The following TCF3 variants were observed in gnomAD, a reference collection of about 807,000 sequenced individuals.
TCF3 encodes transcription factor E2-alpha.
Under a neutral mutation model 72.3 loss-of-function variants are expected in TCF3, and 54 were observed. The ratio of observed to expected loss-of-function variants is 0.75; its 90% CI spans 0.60 to 0.94. The LOEUF is 0.94. Ranked by LOEUF, TCF3 falls within the 40% of genes least tolerant of loss-of-function variation. The pLI, the probability that TCF3 is intolerant of heterozygous loss-of-function variation, is 0.00. For missense variants in TCF3, 1,078 were observed against 934.4 expected, an observed-to-expected ratio of 1.15 and a Z score of -2.00; for synonymous variants, 525 against 412.6, an observed-to-expected ratio of 1.27 and a Z score of -3.30.
At chr19:1,612,849 G>A (rs888758076) in intron 18 of TCF3, among the ~76,000 whole-genome samples, 1 of 149,440 alleles carries the variant, frequency 6.7e-6, no homozygotes, top group Non-Finnish European at 1.5e-5. Context: ...GCAGGTACAC[G>A]GCTGGTGTCG....
intron 1 of TCF3, among the ~76,000 whole-genome samples, chr19:1,651,616 C>T (rs2067077735): frequency 6.6e-6 from 1 of 152,188 alleles, no homozygotes. Flanking sequence ...TTTGAAGCCA[C>T]TTTGCACGGC....
At chr19:1,633,082 T>C (rs1454293777) in intron 3 of TCF3, among the ~76,000 whole-genome samples, 5 of 151,112 alleles carry the variant, frequency 3.3e-5, no homozygotes, top group Admixed American at 1.3e-4. Flanking sequence ...GACGAGGACC[T>C]TGGTCCCGGG....
chr19:1,643,101 C>T (rs1204120799), intron 3 of TCF3, among the ~76,000 whole-genome samples: 1 of 152,120 alleles, frequency 6.6e-6, no homozygotes, highest in Non-Finnish European at 1.5e-5. Flanking sequence ...CTGAGGGTTT[C>T]CAAAAATGGG....
At chr19:1,643,628 G>C (rs2065651666) in intron 3 of TCF3, among the ~76,000 whole-genome samples, 1 of 152,164 alleles carries the variant, frequency 6.6e-6, no homozygotes, top group Non-Finnish European at 1.5e-5. Context: ...CGATCCTCCT[G>C]CCTTGGCCTC....
chr19:1,622,452 C>A (rs1374348067), intron 8 of TCF3, 37 bp from the exon 9 acceptor site: 3 of 953,248 alleles, frequency 3.1e-6, no homozygotes, highest in Middle Eastern at 6.5e-4. Flanking sequence ...GCAGTCAGGA[C>A]GGAGGGACCA....
chr19:1,646,205 T>A, intron 3 of TCF3, 150 bp downstream of exon 3: 1 of 856,136 alleles, frequency 1.2e-6, no homozygotes, highest in South Asian at 1.8e-5. Context: ...TTCAGGGGTC[T>A]TCAGGCTCGC....
chr19:1,617,716 G>A (rs754433831), intron 16 of TCF3, among the ~76,000 whole-genome samples: 11 of 152,236 alleles, frequency 7.2e-5, no homozygotes, highest in Non-Finnish European at 1.0e-4. Flanking sequence ...GAAACAGAGG[G>A]GAGCCTATGG....
At chr19:1,647,083 C>A (rs950981278) in intron 2 of TCF3, among the ~76,000 whole-genome samples, 3 of 152,184 alleles carry the variant, frequency 2.0e-5, no homozygotes, top group African/African-American at 7.2e-5. Flanking sequence ...CGGCAGGAAG[C>A]TGGAGGGGCT....
At chr19:1,629,765 A>C (rs1434711857) in intron 5 of TCF3, among the ~76,000 whole-genome samples, 1 of 152,218 alleles carries the variant, frequency 6.6e-6, no homozygotes, top group Non-Finnish European at 1.5e-5. Context: ...CGAGTAATGT[A>C]CATTATTCTC....
At chr19:1,630,767 G>A (rs1002436184) in intron 5 of TCF3, among the ~76,000 whole-genome samples, 1 of 152,140 alleles carries the variant, frequency 6.6e-6, no homozygotes, top group Non-Finnish European at 1.5e-5. Context: ...CCACGACAGC[G>A]GGACCCCTGA....
chr19:1,624,126 G>A (rs541053580), intron 7 of TCF3, 126 bp from the exon 8 acceptor site: 19 of 872,450 alleles, frequency 2.2e-5, no homozygotes, highest in Admixed American at 1.6e-4. Context: ...GGCTGGGTGC[G>A]GTGCCTCATG....
intron 3 of TCF3, among the ~76,000 whole-genome samples, chr19:1,633,268 G>A (rs999881741): frequency 2.6e-5 from 4 of 152,190 alleles, no homozygotes; most frequent in Admixed American, 1.3e-4. Context: ...GCTTGGCCAC[G>A]GAGTTGCTGC....
chr19:1,634,656 G>A (rs12461417), intron 3 of TCF3, among the ~76,000 whole-genome samples: 8 of 152,190 alleles, frequency 5.3e-5, no homozygotes, highest in East Asian at 1.9e-4. Context: ...GAGAGGGACC[G>A]GGGACTGGTC....
Position 1,611,628 on chromosome 19 carries a change from G to A in TCF3, c.*79C>T, listed in dbSNP as rs1188679614. ...TGTGTGAGGTGTGGATGTGGATGAA[G>A]CCCGGGGTCTCGAGTGGCCGTTCTG... On this transcript the variant is annotated 3_prime_UTR_variant, in exon 19 of 19. Coordinates refer to ENST00000262965, the MANE Select transcript of TCF3 (RefSeq NM_003200.5). 8 of 1,535,136 alleles carry A rather than the reference G, an allele frequency of 5.2e-6. No homozygotes were observed. The highest frequency in any genetic ancestry group is 7.0e-6 in the Non-Finnish European group (8 of 1,136,776).
At chr19:1,635,918 C>T (rs1045638048) in intron 3 of TCF3, among the ~76,000 whole-genome samples, 3 of 152,194 alleles carry the variant, frequency 2.0e-5, no homozygotes, top group Non-Finnish European at 2.9e-5. Context: ...GCGGGCCACC[C>T]GATACAGGGT....
At chr19:1,612,140 C>G in intron 18 of TCF3, 1 of 1,470,412 alleles carries the variant, frequency 6.8e-7, no homozygotes, top group Non-Finnish European at 9.1e-7. Flanking sequence ...ACAGGAGGAC[C>G]CCAGCATCTG....
chr19:1,640,461 C>T (rs1035528307), intron 3 of TCF3, among the ~76,000 whole-genome samples: 4 of 152,290 alleles, frequency 2.6e-5, no homozygotes, highest in East Asian at 1.9e-4. Flanking sequence ...ACACCTATTT[C>T]GCTAACCTGT....
rs1442928211 is a variant in TCF3, at chr19:1,615,976, T to G, written c.1451-155A>C. Among the ~76,000 whole-genome samples, 1 of 152,092 alleles carries G rather than the reference T, an allele frequency of 6.6e-6. No homozygotes were observed. Among genetic ancestry groups the G allele is most frequent in the East Asian group, 1.9e-4 (1 of 5,204 alleles). On this transcript the variant is annotated intron_variant, in intron 16 of 18. Transcript: ENST00000262965. The surrounding 1 kb of genome is among the most constrained non-coding windows in gnomAD (Gnocchi z 7.3). ...AAACCAACAACCAGAACTGGATCCCTACCTCACGCCATGTGTAGCTACCAA... is the reference window on the plus strand; with the variant it reads ...AAACCAACAACCAGAACTGGATCCCGACCTCACGCCATGTGTAGCTACCAA...
rs1390702403 is a variant in TCF3, at chr19:1,631,810, T to C, written c.298+228A>G. 1.1e-5 allele frequency: 13 copies of C among 1,175,168 alleles called. No homozygotes were observed. The East Asian group carries it at 3.4e-4, about 30-fold the overall frequency. 72.8% of individuals were successfully genotyped at this position (1,175,168 alleles called of 1,614,324 possible). On this transcript the variant is annotated intron_variant, in intron 5 of 18. Coordinates refer to ENST00000262965, the MANE Select transcript of TCF3 (RefSeq NM_003200.5). ...GGGTCTGGAACGGCCTCCCTGCCTC[T>C]ACGCTCAGGCGGGGAAGCCTAGTTG...
Sources: gnomAD v4.1 joint callset for allele counts (sites outside exome capture counted in the v4.1 genomes callset) on GRCh38, gnomAD v4.1.1 for gene constraint, Gnocchi (gnomAD v3.1) non-coding constraint, MANE v1.5 for transcripts, NCBI Gene and HGNC (gene_info 2026-07-23, HGNC 2026-07-21) for gene names.